Variants in YWHAQ observed in about 807,000 individuals in gnomAD.
The protein encoded by YWHAQ is 14-3-3 protein theta.
Under a neutral mutation model 28.3 loss-of-function variants are expected in YWHAQ, and 6 were observed. The ratio of observed to expected loss-of-function variants is 0.21; its 90% CI spans 0.12 to 0.42. YWHAQ has a LOEUF of 0.42. Ranked by LOEUF, YWHAQ falls within the 10% of genes least tolerant of loss-of-function variation. YWHAQ has a pLI of 1.00. For missense variants in YWHAQ, 201 were observed against 305.6 expected, an observed-to-expected ratio of 0.66 and a Z score of 2.55; for synonymous variants, 143 against 119.1, an observed-to-expected ratio of 1.20 and a Z score of -1.31.
intron 5 of YWHAQ, 82 bp from the exon 6 acceptor site, chr2:9,585,427 T>C: frequency 6.8e-7 from 1 of 1,468,786 alleles, no homozygotes; most frequent in Non-Finnish European, 9.5e-7. Flanking sequence ...CAAAATTAAC[T>C]ACAAGAGTAG....
chr2:9,625,080 G>A (rs1667222593), intron 2 of YWHAQ, among the ~76,000 whole-genome samples: 1 of 151,700 alleles, frequency 6.6e-6, no homozygotes, highest in African/African-American at 2.4e-5. Context: ...AAAAACCTTG[G>A]CTGGGGCACA....
rs1205700223 is a variant in YWHAQ at position 9,630,586 on chromosome 2, C to T, written c.-82-52G>A. The T allele has an allele frequency of 1.2e-6, 1 of 868,684 alleles. No homozygotes were observed. The highest frequency in any genetic ancestry group is 1.7e-6 in the Non-Finnish European group (1 of 597,222). 53.8% of individuals were successfully genotyped at this position (868,684 alleles called of 1,614,324 possible). A position where few individuals can be genotyped will look rare whatever the true frequency, so the allele number is the denominator to read the frequency against. On this transcript the variant is annotated intron_variant, in intron 1 of 5. Transcript: ENST00000238081. The surrounding 1 kb of genome is among the most constrained non-coding windows in gnomAD (Gnocchi z 5.6). ...AGAACAAAAAGCAGAGAGGGAGCGCCGTCAGACAATGCGGCCCGCCGCCCG... is the reference window on the plus strand; with the variant it reads ...AGAACAAAAAGCAGAGAGGGAGCGCTGTCAGACAATGCGGCCCGCCGCCCG...
intron 2 of YWHAQ, among the ~76,000 whole-genome samples, chr2:9,626,748 T>G (rs1394180156): frequency 6.6e-6 from 1 of 152,198 alleles, no homozygotes; most frequent in Non-Finnish European, 1.5e-5. Flanking sequence ...AGTTTTTTTG[T>G]GTCTAAATTT....
intron 2 of YWHAQ, chr2:9,615,457 G>C (rs1667024049): frequency 6.6e-6 from 1 of 151,832 alleles, no homozygotes; most frequent in Admixed American, 6.6e-5. Flanking sequence ...GGCAATATAG[G>C]AAAGAACCAC....
intron 2 of YWHAQ, among the ~76,000 whole-genome samples, chr2:9,616,448 A>T (rs886453080): frequency 6.6e-6 from 1 of 151,876 alleles, no homozygotes; most frequent in Non-Finnish European, 1.5e-5. Flanking sequence ...GCAACCAAAA[A>T]AAAAAAAAAA....
chr2:9,588,435 T>A, intron 3 of YWHAQ, 107 bp from the exon 4 acceptor site: 1 of 1,331,648 alleles, frequency 7.5e-7, no homozygotes, highest in Non-Finnish European at 1.0e-6. Context: ...AACCAAGATT[T>A]TTTCTCTGTA....
intron 2 of YWHAQ, among the ~76,000 whole-genome samples, chr2:9,597,199 G>A (rs1353775415): frequency 6.6e-6 from 1 of 152,116 alleles, no homozygotes; most frequent in African/African-American, 2.4e-5. Context: ...TCTCATAAAG[G>A]ATTTGTTGCC....
chr2:9,587,477 T>C lies in YWHAQ; in HGVS notation c.615A>G (p.Thr205=). Residue 205 remains threonine, a synonymous_variant, in exon 5 of 6, where the codon ACA becomes ACG. Transcript: ENST00000238081. ...AFDEAIAELD[T]LNEDSYKDST... is the part of the protein sequence containing the mutation. ...TGTCTTTGTATGAGTCTTCATTCAG[T>C]GTATCAAGTTCAGCAATGGCCTCAT... 6.2e-7 allele frequency: 1 copy of C among 1,609,968 alleles called. No individual in the cohort carries two copies. The highest frequency in any genetic ancestry group is 8.5e-7 in the Non-Finnish European group (1 of 1,177,496).
intron 2 of YWHAQ, among the ~76,000 whole-genome samples, chr2:9,625,848 A>C (rs776113019): frequency 2.1e-4 from 32 of 152,230 alleles, no homozygotes; most frequent in Non-Finnish European, 4.0e-4. Context: ...AATTTGCCAG[A>C]GTCCACGAAA....
At chr2:9,623,198 G>A (rs1258523664) in intron 2 of YWHAQ, among the ~76,000 whole-genome samples, 1 of 152,216 alleles carries the variant, frequency 6.6e-6, no homozygotes, top group African/African-American at 2.4e-5. Context: ...TGAACAAGGA[G>A]ATAAGACGTT....
intron 2 of YWHAQ, among the ~76,000 whole-genome samples, chr2:9,621,596 G>GT (rs143184181): frequency 0.43 from 64,972 of 151,636 alleles, 17,232 homozygotes; most frequent in African/African-American, 0.74. Context: ...CATATCACTA[G>GT]TTTTTTTTCA....
chr2:9,585,101 G>C lies in YWHAQ; in HGVS notation c.*185C>G. ...TTTCTACAGCAGTACTGCACACCAG[G>C]AAGGCCAAGACAAACACAAATCAAG... is the stretch of plus-strand genomic sequence containing the variant. On this transcript the variant is annotated 3_prime_UTR_variant, in exon 6 of 6. Transcript: ENST00000238081. 1.6e-6 allele frequency: 1 copy of C among 639,050 alleles called. No homozygotes were observed. The highest frequency in any genetic ancestry group is 2.8e-6 in the Non-Finnish European group (1 of 361,180). 39.6% of individuals were successfully genotyped at this position (639,050 alleles called of 1,614,324 possible).
At chr2:9,596,633 T>A (rs1459472578) in intron 2 of YWHAQ, among the ~76,000 whole-genome samples, 2 of 152,188 alleles carry the variant, frequency 1.3e-5, no homozygotes, top group Non-Finnish European at 2.9e-5. Flanking sequence ...TATTATCAGT[T>A]AACCAGCATA....
chr2:9,589,131 CA>C (rs1388950912), intron 3 of YWHAQ, among the ~76,000 whole-genome samples: 1 of 151,682 alleles, frequency 6.6e-6, no homozygotes, highest in Non-Finnish European at 1.5e-5. Flanking sequence ...ACAAACAAAA[CA>C]AAAAACCAGT....
chr2:9,623,770 C>G (rs1332767921), intron 2 of YWHAQ, among the ~76,000 whole-genome samples: 3 of 150,922 alleles, frequency 2.0e-5, no homozygotes, highest in African/African-American at 7.4e-5. Flanking sequence ...AAAACTCTGT[C>G]TCAACAAAAT....
At chr2:9,611,675 T>A (rs1235906962) in intron 2 of YWHAQ, among the ~76,000 whole-genome samples, 1 of 148,702 alleles carries the variant, frequency 6.7e-6, no homozygotes, top group East Asian at 1.9e-4. Flanking sequence ...CCTGTTTCTA[T>A]ACTCTTTTTT....
At chr2:9,589,237 TTTC>T (rs914584681) in intron 3 of YWHAQ, among the ~76,000 whole-genome samples, 5 of 152,332 alleles carry the variant, frequency 3.3e-5, no homozygotes, top group South Asian at 4.1e-4. Flanking sequence ...CTAAAACTAT[TTTC>T]TTATTTTATG....
chr2:9,603,270 ATT>A lies in YWHAQ; in HGVS notation c.295-11757_295-11756del, dbSNP rs149708531. On this transcript the variant is annotated intron_variant, in intron 2 of 5. Transcript: ENST00000238081. The stretch of plus-strand genomic sequence containing the variant: ...AAAACAAAGTACAATTCTCCCTTGA[ATT>A]TTTTTTTTTTTTTTTGAGCTGGAGT... Among the ~76,000 whole-genome samples, 203 of 128,698 alleles carry A rather than the reference ATT, an allele frequency of 1.6e-3. 1 individual carries two copies. The highest frequency in any genetic ancestry group is 4.0e-3 in the Middle Eastern group (1 of 252). The allele number at this position is 128,698 out of a possible 152,430, so 84.4% of individuals were successfully genotyped here. A position where few individuals can be genotyped will look rare whatever the true frequency, so the allele number is the denominator to read the frequency against.
intron 3 of YWHAQ, among the ~76,000 whole-genome samples, chr2:9,590,123 G>C (rs1177539655): frequency 1.3e-5 from 2 of 152,200 alleles, no homozygotes; most frequent in African/African-American, 2.4e-5. Context: ...CTATCAGAAT[G>C]TACACAGGAC....
Sources: gnomAD v4.1 joint callset for allele counts (sites outside exome capture counted in the v4.1 genomes callset) on GRCh38, gnomAD v4.1.1 for gene constraint, Gnocchi (gnomAD v3.1) non-coding constraint, MANE v1.5 for transcripts, NCBI Gene and HGNC (gene_info 2026-07-23, HGNC 2026-07-21) for gene names.